The following SNX24 variants were observed in gnomAD, a reference collection of about 807,000 sequenced individuals.
SNX24 encodes sorting nexin-24.
In SNX24, 22 loss-of-function variants were observed where a neutral mutation model predicts 28.7. That is an observed-to-expected ratio of 0.77 (90% CI 0.55 to 1.10). SNX24 has a LOEUF of 1.10. Ranked by LOEUF, SNX24 falls within the 50% of genes least tolerant of loss-of-function variation. SNX24 has a pLI of 0.00. For synonymous variants in SNX24, 69 were observed against 71.5 expected (o/e 0.96, Z 0.18); for missense variants, 221 against 201.1 (o/e 1.10, Z -0.60).
At chr5:123,010,325 C>G (rs1292199180), downstream of SNX24, among the ~76,000 whole-genome samples, 1 of 150,848 alleles carries the variant, frequency 6.6e-6, no homozygotes, top group Non-Finnish European at 1.5e-5. Flanking sequence ...GAGTCTTGCT[C>G]TGTTGCCCAG....
At chr5:122,895,217 A>G (rs1273514905) in intron 1 of SNX24, among the ~76,000 whole-genome samples, 1 of 152,068 alleles carries the variant, frequency 6.6e-6, no homozygotes, top group African/African-American at 2.4e-5. Context: ...AATAATAGAA[A>G]AGTTATAAGA....
chr5:122,851,449 G>A (rs2150030946), intron 1 of SNX24, among the ~76,000 whole-genome samples: 1 of 152,228 alleles, frequency 6.6e-6, no homozygotes, highest in East Asian at 1.9e-4. Flanking sequence ...TTACAGGCAT[G>A]AGCCACCACA....
intron 1 of SNX24, among the ~76,000 whole-genome samples, chr5:122,853,089 A>G (rs371435140): frequency 6.7e-6 from 1 of 150,318 alleles, no homozygotes; most frequent in East Asian, 2.0e-4. Context: ...GATTAAATCA[A>G]GCATGTGTAA....
intron 3 of SNX24, among the ~76,000 whole-genome samples, chr5:122,950,149 C>T (rs1346729049): frequency 1.3e-5 from 2 of 152,128 alleles, no homozygotes; most frequent in African/African-American, 4.8e-5. Context: ...GGAAGAAAAT[C>T]AGTTGGTTTT....
chr5:122,967,624 A>G (rs924014071), intron 3 of SNX24, among the ~76,000 whole-genome samples: 1 of 152,232 alleles, frequency 6.6e-6, no homozygotes, highest in Non-Finnish European at 1.5e-5. Flanking sequence ...CGATAACAGT[A>G]CTTTCACAAG....
chr5:122,899,154 T>C (rs1757326860), intron 1 of SNX24, among the ~76,000 whole-genome samples: 1 of 152,188 alleles, frequency 6.6e-6, no homozygotes, highest in South Asian at 2.1e-4. Context: ...TCTCTTCTGC[T>C]CTTTTCACTC....
At chr5:122,852,881 T>C (rs917168104) in intron 1 of SNX24, among the ~76,000 whole-genome samples, 3 of 152,050 alleles carry the variant, frequency 2.0e-5, no homozygotes, top group Admixed American at 6.6e-5. Context: ...TCCATTCCTG[T>C]CACCAAACCC....
chr5:122,993,731 G>C (rs1761952100), intron 3 of SNX24, among the ~76,000 whole-genome samples: 2 of 152,244 alleles, frequency 1.3e-5, no homozygotes, highest in South Asian at 2.1e-4. Context: ...TCTTAGGTTT[G>C]GGTCCCAGAG....
intron 1 of SNX24, among the ~76,000 whole-genome samples, chr5:122,894,722 G>C (rs1757126449): frequency 1.3e-5 from 2 of 152,188 alleles, no homozygotes; most frequent in Non-Finnish European, 2.9e-5. Flanking sequence ...CTTCTGGTAA[G>C]GGATGGTTTT....
chr5:122,851,371 G>A (rs1366660729), intron 1 of SNX24, among the ~76,000 whole-genome samples: 4 of 152,038 alleles, frequency 2.6e-5, no homozygotes, highest in Non-Finnish European at 5.9e-5. Context: ...TCATCATGTT[G>A]GCCAGGCTGG....
At chr5:122,985,709 G>A (rs756917517) in intron 3 of SNX24, among the ~76,000 whole-genome samples, 4 of 152,154 alleles carry the variant, frequency 2.6e-5, no homozygotes, top group Admixed American at 2.6e-4. Context: ...CACTTGTTGC[G>A]GTGGCATCTA....
At position 122,956,042 on chromosome 5, in the gene SNX24, C is replaced by G. The variant is rs1760193693; in HGVS notation, c.249+9883C>G. Among the ~76,000 whole-genome samples the G allele has an allele frequency of 1.3e-5, 2 of 151,998 alleles. 1 individual carries two copies. The highest frequency in any genetic ancestry group is 2.9e-5 in the Non-Finnish European group (2 of 67,978). On this transcript the variant is annotated intron_variant, in intron 3 of 6. Transcript: ENST00000261369. The stretch of plus-strand genomic sequence containing the variant: ...CTCTGTGTTCTATGGCTGGACAGAA[C>G]AGGCTTTGGATGCAGCTTTTTTTTT...
At chr5:122,919,966 A>G (rs1438676902) in intron 1 of SNX24, among the ~76,000 whole-genome samples, 1 of 152,258 alleles carries the variant, frequency 6.6e-6, no homozygotes, top group East Asian at 1.9e-4. Flanking sequence ...CTGTTGAGCA[A>G]CTTCATCCTT....
intron 3 of SNX24, among the ~76,000 whole-genome samples, chr5:122,964,540 A>G (rs1005127556): frequency 8.5e-5 from 13 of 152,100 alleles, no homozygotes; most frequent in African/African-American, 2.7e-4. Context: ...TATATCATCT[A>G]TAATGCTTTG....
chr5:122,918,212 G>A (rs1758267571), intron 1 of SNX24, among the ~76,000 whole-genome samples: 1 of 152,144 alleles, frequency 6.6e-6, no homozygotes, highest in Admixed American at 6.5e-5. Context: ...AGTCATATTG[G>A]GGTTAGAGCT....
chr5:122,900,910 G>A (rs1486960818), intron 1 of SNX24, among the ~76,000 whole-genome samples: 1 of 152,034 alleles, frequency 6.6e-6, no homozygotes, highest in Non-Finnish European at 1.5e-5. Context: ...GTCTTGAAAG[G>A]CAAAATATGG....
At chr5:122,993,386 C>T (rs1581844099) in intron 3 of SNX24, among the ~76,000 whole-genome samples, 1 of 151,112 alleles carries the variant, frequency 6.6e-6, no homozygotes, top group African/African-American at 2.4e-5. Flanking sequence ...GCAAGCTCTG[C>T]CTCCCGGGTT....
intron 1 of SNX24, among the ~76,000 whole-genome samples, chr5:122,935,708 C>CGA (rs1446680223): frequency 2.5e-5 from 3 of 120,906 alleles, no homozygotes; most frequent in Admixed American, 9.2e-5. Flanking sequence ...TGAAGATGTG[C>CGA]GACCTTGTAT....
intron 1 of SNX24, among the ~76,000 whole-genome samples, chr5:122,913,731 C>G (rs1758025226): frequency 1.3e-5 from 2 of 152,244 alleles, no homozygotes; most frequent in African/African-American, 4.8e-5. Flanking sequence ...AGGCTGCAAT[C>G]TCGGCACTTT....
Sources: allele counts gnomAD v4.1 joint callset (sites outside exome capture counted in the v4.1 genomes callset), GRCh38; gene constraint gnomAD v4.1.1; transcripts MANE v1.5; gene names NCBI Gene and HGNC (gene_info 2026-07-23, HGNC 2026-07-21).